The following UXS1 variants were observed in gnomAD, a reference collection of about 807,000 sequenced individuals.
UXS1 encodes UDP-glucuronic acid decarboxylase 1.
UXS1 carries 33 observed loss-of-function variants against 62.6 expected under a neutral mutation model. The ratio of observed to expected loss-of-function variants is 0.53; its 90% CI spans 0.40 to 0.70. The LOEUF is 0.70. Ranked by LOEUF, UXS1 falls within the 30% of genes least tolerant of loss-of-function variation. UXS1 has a pLI of 0.00. For missense variants in UXS1, 434 were observed against 556.3 expected, an observed-to-expected ratio of 0.78 and a Z score of 2.21; for synonymous variants, 213 against 206.8, an observed-to-expected ratio of 1.03 and a Z score of -0.26.
At chr2:106,173,272 A>G (rs1242649452) in intron 1 of UXS1, among the ~76,000 whole-genome samples, 1 of 152,224 alleles carries the variant, frequency 6.6e-6, no homozygotes, top group East Asian at 1.9e-4. Flanking sequence ...AGAAGTCAGA[A>G]AACTGTAGGC....
chr2:106,146,303 T>G lies in UXS1; in HGVS notation c.292-933A>C, dbSNP rs147735571. 4.4e-3 allele frequency among the ~76,000 whole-genome samples: 663 copies of G among 152,360 alleles called. 2 individuals carry two copies. The highest frequency in any genetic ancestry group is 0.041 in the Middle Eastern group (12 of 294). On this transcript the variant is annotated intron_variant, in intron 5 of 14. Coordinates refer to ENST00000283148, the MANE Select transcript of UXS1 (RefSeq NM_001253875.2). ...TCTCTTCACCAAAATTCTCATTCAT[T>G]TCACCCTTCTGTTTCAAACGGAAAG...
chr2:106,096,973 G>A (rs910312572), intron 13 of UXS1, 152 bp from the exon 14 acceptor site: 29 of 793,498 alleles, frequency 3.7e-5, no homozygotes, highest in South Asian at 1.3e-4. Context: ...CGGAGCTCCC[G>A]AGGGACTGTT....
intron 1 of UXS1, among the ~76,000 whole-genome samples, chr2:106,187,521 G>A (rs1029189936): frequency 1.3e-5 from 2 of 152,128 alleles, no homozygotes; most frequent in East Asian, 3.8e-4. Context: ...CGTAACCAAA[G>A]TCCCAACCTC....
intron 9 of UXS1, among the ~76,000 whole-genome samples, chr2:106,113,353 T>C (rs114206269): frequency 1.3e-3 from 196 of 152,352 alleles, no homozygotes; most frequent in African/African-American, 4.5e-3. Flanking sequence ...GTGCCCAGTA[T>C]AGGTTATTAG....
intron 5 of UXS1, among the ~76,000 whole-genome samples, chr2:106,154,786 G>A (rs1261877856): frequency 6.6e-6 from 1 of 152,206 alleles, no homozygotes; most frequent in Non-Finnish European, 1.5e-5. Flanking sequence ...ATTAACTGCT[G>A]GCTCATTACA....
intron 5 of UXS1, among the ~76,000 whole-genome samples, chr2:106,150,169 A>G (rs1681894511): frequency 6.6e-6 from 1 of 152,262 alleles, no homozygotes; most frequent in African/African-American, 2.4e-5. Context: ...TCTTTTAACT[A>G]CATAGAGTAA....
chr2:106,104,246 A>T (rs943890168), intron 11 of UXS1, among the ~76,000 whole-genome samples: 1 of 152,234 alleles, frequency 6.6e-6, no homozygotes, highest in African/African-American at 2.4e-5. Flanking sequence ...ATTAATCACC[A>T]ACGGAATGGA....
At chr2:106,118,183 G>C (rs1483171340) in intron 9 of UXS1, among the ~76,000 whole-genome samples, 3 of 151,706 alleles carry the variant, frequency 2.0e-5, no homozygotes, top group African/African-American at 7.3e-5. Flanking sequence ...TGGGGTGTGA[G>C]TCCTAGCCAT....
chr2:106,137,115 G>A (rs1438267884), intron 6 of UXS1, among the ~76,000 whole-genome samples: 1 of 152,112 alleles, frequency 6.6e-6, no homozygotes, highest in African/African-American at 2.4e-5. Flanking sequence ...CTGTCAAAAT[G>A]CAAGTTCGCT....
At chr2:106,126,390 G>A (rs550989301) in intron 7 of UXS1, among the ~76,000 whole-genome samples, 203 of 43,910 alleles carry the variant, frequency 4.6e-3, no homozygotes, top group African/African-American at 8.6e-3. Context: ...TAAGACAGGC[G>A]ACATACCCCA....
chr2:106,108,741 G>A (rs116575877), intron 10 of UXS1, among the ~76,000 whole-genome samples: 178 of 152,280 alleles, frequency 1.2e-3, no homozygotes, highest in African/African-American at 4.2e-3. Context: ...GGCCGGGGGT[G>A]AGGGGCAGCG....
chr2:106,146,941 C>A (rs1307420646), intron 5 of UXS1, among the ~76,000 whole-genome samples: 2 of 151,964 alleles, frequency 1.3e-5, no homozygotes, highest in Non-Finnish European at 2.9e-5. Context: ...TCATTTGACG[C>A]CAGGCGTTCA....
At chr2:106,166,387 A>G (rs2105065184) in intron 1 of UXS1, 1 of 242,404 alleles carries the variant, frequency 4.1e-6, no homozygotes, top group Admixed American at 5.5e-5. Context: ...AGGAAAAGGC[A>G]GTTTCTAAGT....
At chr2:106,114,024 C>T (rs1010448977) in intron 9 of UXS1, among the ~76,000 whole-genome samples, 9 of 152,228 alleles carry the variant, frequency 5.9e-5, no homozygotes, top group Admixed American at 5.2e-4. Context: ...GCTAACAAGG[C>T]TTACTTAGCA....
chr2:106,136,505 AC>A (rs1386902274), intron 6 of UXS1, among the ~76,000 whole-genome samples: 1 of 24,920 alleles, frequency 4.0e-5, no homozygotes, highest in East Asian at 1.5e-3. Flanking sequence ...AAGACTTGGA[AC>A]CAACCCAAAT....
intron 9 of UXS1, among the ~76,000 whole-genome samples, chr2:106,114,726 T>A (rs1351204349): frequency 6.6e-6 from 1 of 152,192 alleles, no homozygotes; most frequent in Non-Finnish European, 1.5e-5. Flanking sequence ...CTGTGGCTTT[T>A]CTATTTGGGC....
rs1036807388 is a variant in UXS1 at position 106,172,563 on chromosome 2, C to G, written c.95-6480G>C. On this transcript the variant is annotated intron_variant, in intron 1 of 14. Coordinates refer to ENST00000283148, the MANE Select transcript of UXS1 (RefSeq NM_001253875.2). The stretch of plus-strand genomic sequence containing the variant: ...TGCAAGGGCTCTGCAGGCCCCAACA[C>G]TGACAGAGATGGGGCTGGGGGTGGA... 1.3e-5 allele frequency among the ~76,000 whole-genome samples: 2 copies of G among 152,208 alleles called. 1 individual carries two copies. Among genetic ancestry groups the G allele is most frequent in the East Asian group, 3.8e-4 (2 of 5,196 alleles).
chr2:106,158,485 A>G (rs1174494015), intron 4 of UXS1, among the ~76,000 whole-genome samples: 1 of 152,230 alleles, frequency 6.6e-6, no homozygotes, highest in Non-Finnish European at 1.5e-5. Context: ...GAATTGTAAT[A>G]ATGAGAGAAA....
intron 1 of UXS1, among the ~76,000 whole-genome samples, chr2:106,176,587 T>A (rs1486212834): frequency 6.6e-6 from 1 of 152,192 alleles, no homozygotes; most frequent in Admixed American, 6.5e-5. Context: ...CGGGAAGCCG[T>A]GCCTACTCCT....
Sources: allele counts gnomAD v4.1 joint callset (sites outside exome capture counted in the v4.1 genomes callset), GRCh38; gene constraint gnomAD v4.1.1; transcripts MANE v1.5; gene names NCBI Gene and HGNC (gene_info 2026-07-23, HGNC 2026-07-21).